The following TRPM1 variants were observed in gnomAD, a reference collection of about 807,000 sequenced individuals.
TRPM1 encodes transient receptor potential cation channel subfamily M member 1.
In TRPM1, 113 loss-of-function variants were observed where a neutral mutation model predicts 149.4. That is an observed-to-expected ratio of 0.76 (90% CI 0.65 to 0.88). The LOEUF (loss-of-function observed/expected upper bound fraction) is 0.88. Ranked by LOEUF, TRPM1 falls within the 40% of genes least tolerant of loss-of-function variation. TRPM1 has a pLI of 0.00. For synonymous variants in TRPM1, 741 were observed against 759.5 expected (o/e 0.98, Z 0.40); for missense variants, 1,976 against 2,038.7 (o/e 0.97, Z 0.59).
intron 27 of TRPM1, among the ~76,000 whole-genome samples, chr15:31,005,854 C>A (rs1184299551): frequency 1.3e-5 from 2 of 152,154 alleles, no homozygotes; most frequent in Non-Finnish European, 1.5e-5. Context: ...AACCTTGACA[C>A]CCACACAAAG....
At chr15:31,054,837 CATT>C in intron 11 of TRPM1, among the ~76,000 whole-genome samples, 1 of 152,110 alleles carries the variant, frequency 6.6e-6, no homozygotes, top group Non-Finnish European at 1.5e-5. Flanking sequence ...GTGCACTATA[CATT>C]ATTATTAATT....
chr15:31,066,916 G>T, intron 6 of TRPM1, 147 bp downstream of exon 6: 1 of 1,064,858 alleles, frequency 9.4e-7, no homozygotes, highest in Non-Finnish European at 1.4e-6. Context: ...TTGCATTATG[G>T]TTTTGCAAGA....
chr15:31,105,083 C>T (rs1457376819), upstream of TRPM1, among the ~76,000 whole-genome samples: 1 of 152,190 alleles, frequency 6.6e-6, no homozygotes, highest in African/African-American at 2.4e-5. Flanking sequence ...GTGACTAATG[C>T]ATTCCTTTTC....
At chr15:31,128,913 C>T (rs371793345) in intron 1 of TRPM1, among the ~76,000 whole-genome samples, 2 of 152,396 alleles carry the variant, frequency 1.3e-5, no homozygotes, top group East Asian at 1.9e-4. Flanking sequence ...AAAGCCCCCC[C>T]GCTCCGGCTT....
Position 31,003,086 on chromosome 15 carries a change from G to A in TRPM1, c.3630-16C>T, listed in dbSNP as rs1328134724. 1 of 1,588,180 alleles carries A rather than the reference G, an allele frequency of 6.3e-7. No homozygotes were observed. The highest frequency in any genetic ancestry group is 8.6e-7 in the Non-Finnish European group (1 of 1,168,218). ...ATTTTCAACTCTGGTGAATATAAAG[G>A]GATAGATTTATTAAACTGAGATTAA... On this transcript the variant is annotated splice_polypyrimidine_tract_variant and intron_variant, in intron 27 of 27. Coordinates refer to ENST00000256552, the MANE Select transcript of TRPM1 (RefSeq NM_001252024.2).
chr15:31,076,767 A>C, intron 3 of TRPM1, 138 bp downstream of exon 3: 1 of 732,532 alleles, frequency 1.4e-6, no homozygotes, highest in Non-Finnish European at 2.5e-6. Context: ...AGCCCCAGTG[A>C]CTCCCTTGTT....
intron 1 of TRPM1, among the ~76,000 whole-genome samples, chr15:31,119,564 T>C (rs1372387375): frequency 3.3e-5 from 5 of 152,096 alleles, no homozygotes; most frequent in African/African-American, 1.2e-4. Context: ...TCTACATAAA[T>C]GAAGAGTGTT....
intron 1 of TRPM1, among the ~76,000 whole-genome samples, chr15:31,128,711 A>C (rs2141041036): frequency 6.6e-6 from 1 of 152,278 alleles, no homozygotes; most frequent in South Asian, 2.1e-4. Context: ...CAGGCTCTCC[A>C]CTCAAGACAA....
chr15:31,147,982 C>G (rs2036243940), intron 1 of TRPM1, among the ~76,000 whole-genome samples: 1 of 151,910 alleles, frequency 6.6e-6, no homozygotes, highest in Admixed American at 6.6e-5. Flanking sequence ...TTGCTGGGAC[C>G]AATTAAAATA....
At chr15:31,050,330 C>T in intron 12 of TRPM1, 79 bp downstream of exon 12, 4 of 1,610,212 alleles carry the variant, frequency 2.5e-6, no homozygotes, top group Non-Finnish European at 3.4e-6. Context: ...CTGGGTGGGA[C>T]TGAAGCAAGG....
chr15:31,157,851 G>A (rs1451921137), intron 1 of TRPM1, among the ~76,000 whole-genome samples: 1 of 152,164 alleles, frequency 6.6e-6, no homozygotes, highest in African/African-American at 2.4e-5. Flanking sequence ...GATGACCCTG[G>A]AAGACTCGTA....
rs1054491853 is a variant in TRPM1, at chr15:31,100,283, G to A, written c.-84+1374C>T. 1.5e-4 allele frequency among the ~76,000 whole-genome samples: 23 copies of A among 151,882 alleles called. 1 individual carries two copies. Among genetic ancestry groups the A allele is most frequent in the Admixed American group, 1.5e-3 (23 of 15,218 alleles). On this transcript the variant is annotated intron_variant, in intron 1 of 27. Transcript: ENST00000256552. ...GTAGAGACAGGGTTTCACCATGTTG[G>A]CTAGGATGGTCTCTATCTCTTGACC...
intron 3 of TRPM1, among the ~76,000 whole-genome samples, chr15:31,070,698 G>A (rs2034516185): frequency 6.6e-6 from 1 of 151,998 alleles, no homozygotes. Flanking sequence ...GGGACCACAG[G>A]CACACACTAC....
At chr15:31,114,502 AAC>A (rs2035771414) in intron 1 of TRPM1, among the ~76,000 whole-genome samples, 1 of 152,258 alleles carries the variant, frequency 6.6e-6, no homozygotes, top group African/African-American at 2.4e-5. Context: ...AAGCATAATA[AAC>A]ACAAAGAAAT....
chr15:31,009,349 A>G (rs2032102814), intron 27 of TRPM1, among the ~76,000 whole-genome samples: 1 of 152,162 alleles, frequency 6.6e-6, no homozygotes, highest in Non-Finnish European at 1.5e-5. Flanking sequence ...TAAAATTTAA[A>G]ATTAAAAACA....
intron 6 of TRPM1, 36 bp downstream of exon 6, chr15:31,067,027 T>G: frequency 1.2e-6 from 2 of 1,614,094 alleles, no homozygotes; most frequent in Non-Finnish European, 1.7e-6. Flanking sequence ...TCATTAATTT[T>G]AAAAAACTGC....
chr15:31,157,848 C>G (rs1362880432), intron 1 of TRPM1, among the ~76,000 whole-genome samples: 7 of 152,268 alleles, frequency 4.6e-5, no homozygotes, highest in Admixed American at 3.9e-4. Flanking sequence ...CGAGATGACC[C>G]TGGAAGACTC....
intron 1 of TRPM1, among the ~76,000 whole-genome samples, chr15:31,116,337 G>T (rs984491687): frequency 6.6e-6 from 1 of 152,132 alleles, no homozygotes; most frequent in Admixed American, 6.6e-5. Context: ...GCCCGGCGCC[G>T]TGGCTCATGC....
chr15:31,042,544 C>T (rs1217090990), intron 16 of TRPM1, among the ~76,000 whole-genome samples: 2 of 152,160 alleles, frequency 1.3e-5, no homozygotes, highest in East Asian at 3.8e-4. Flanking sequence ...CTAAAACAAA[C>T]AAGCAAAACC....
Sources: allele counts gnomAD v4.1 joint callset (sites outside exome capture counted in the v4.1 genomes callset), GRCh38; gene constraint gnomAD v4.1.1; transcripts MANE v1.5; gene names NCBI Gene and HGNC (gene_info 2026-07-23, HGNC 2026-07-21).